MPRIP: variants seen among roughly 807,000 people sequenced by gnomAD.
MPRIP encodes myosin phosphatase Rho-interacting protein.
In MPRIP, 59 loss-of-function variants were observed where a neutral mutation model predicts 234.9. The ratio of observed to expected loss-of-function variants is 0.25; its 90% confidence interval spans 0.20 to 0.31. The LOEUF is 0.31. MPRIP is among the 10% of genes least tolerant of loss of function. The pLI, the probability that MPRIP is intolerant of heterozygous loss-of-function variation, is 1.00. For missense variants in MPRIP, 2,436 were observed against 3,071.0 expected (o/e 0.79, Z 4.89); for synonymous variants, 1,144 against 1,263.9 (o/e 0.91, Z 2.01).
At chr17:17,074,220 G>C (rs182846790) in intron 1 of MPRIP, among the ~76,000 whole-genome samples, 2 of 152,366 alleles carry the variant, frequency 1.3e-5, no homozygotes, top group Admixed American at 1.3e-4. Context: ...GAGAACTTGG[G>C]TTTTAATTTG....
intron 13 of MPRIP, 58 bp from the exon 14 acceptor site, chr17:17,158,374 C>T (rs1177955123): frequency 1.2e-5 from 17 of 1,451,420 alleles, no homozygotes; most frequent in Non-Finnish European, 1.6e-5. Context: ...CAGCTTCTGC[C>T]TGGCAGGCCA....
At chr17:17,049,703 G>A (rs558823382) in intron 1 of MPRIP, among the ~76,000 whole-genome samples, 2 of 152,296 alleles carry the variant, frequency 1.3e-5, no homozygotes, top group Admixed American at 6.5e-5. Flanking sequence ...AGGCAAAATC[G>A]AGGAGGTTGT....
At position 17,100,488 on chromosome 17, in the gene MPRIP, C is replaced by T. The variant is rs1431662560; in HGVS notation, c.267+22412C>T. Among the ~76,000 whole-genome samples, 3 of 152,136 alleles carry T rather than the reference C, an allele frequency of 2.0e-5. No homozygotes were observed. In the East Asian group the frequency reaches 5.8e-4, roughly 29 times the overall value. On this transcript the variant is annotated intron_variant, in intron 3 of 23. Coordinates refer to ENST00000651222, the MANE Select transcript of MPRIP (RefSeq NM_001364716.4). Reference sequence around the variant, plus strand: ...TCTGTTGGCTCAGGGGTCCCCAGTGCCCAGGCAGGTCCATGGCTTATTAGG... The same window carrying T: ...TCTGTTGGCTCAGGGGTCCCCAGTGTCCAGGCAGGTCCATGGCTTATTAGG...
At chr17:17,136,618 T>C (rs749792491) in intron 6 of MPRIP, among the ~76,000 whole-genome samples, 168 bp downstream of exon 6, 27 of 152,338 alleles carry the variant, frequency 1.8e-4, no homozygotes, top group Non-Finnish European at 3.5e-4. Context: ...TGTTCTGAGA[T>C]TCCCGGGCTC....
At position 17,187,610 on chromosome 17, in the gene MPRIP, T is replaced by G. The variant is rs2046501192; in HGVS notation, c.*2716T>G. On this transcript the variant is annotated 3_prime_UTR_variant, in exon 24 of 24. Transcript: ENST00000651222. ...GCCCAGGTGGCAACACTGGCACAGA[T>G]GTTGACGGCTGCCCAACTGGTGCCA... 1 of 152,270 alleles carries G rather than the reference T, an allele frequency of 6.6e-6. No homozygotes were observed. The highest frequency in any genetic ancestry group is 1.5e-5 in the Non-Finnish European group (1 of 68,064). The allele number at this position is 152,270 out of a possible 1,614,324, so 9.4% of individuals were successfully genotyped here.
intron 5 of MPRIP, among the ~76,000 whole-genome samples, chr17:17,135,791 C>T (rs986617971): frequency 2.0e-5 from 3 of 152,188 alleles, no homozygotes; most frequent in African/African-American, 7.2e-5. Context: ...GACATTGAAA[C>T]CATAGCATTT....
At chr17:17,118,343 G>A (rs1306175171) in intron 3 of MPRIP, among the ~76,000 whole-genome samples, 1 of 152,252 alleles carries the variant, frequency 6.6e-6, no homozygotes, top group Non-Finnish European at 1.5e-5. Context: ...AGTCCCTCTG[G>A]GGTTGCAGGA....
intron 1 of MPRIP, among the ~76,000 whole-genome samples, chr17:17,065,925 T>C (rs146870973): frequency 6.6e-6 from 1 of 152,346 alleles, no homozygotes; most frequent in East Asian, 1.9e-4. Flanking sequence ...TAAGTGGTAT[T>C]GTATTTTAAT....
chr17:17,107,138 T>G (rs1424954195), intron 3 of MPRIP, among the ~76,000 whole-genome samples: 2 of 152,084 alleles, frequency 1.3e-5, no homozygotes, highest in Non-Finnish European at 2.9e-5. Context: ...GCCTGGAGGG[T>G]GTCGGGATTT....
chr17:17,093,366 A>G (rs746526637), intron 3 of MPRIP, among the ~76,000 whole-genome samples: 1 of 152,184 alleles, frequency 6.6e-6, no homozygotes, highest in Non-Finnish European at 1.5e-5. Context: ...AAACACACCT[A>G]AAGAGAAGTG....
intron 3 of MPRIP, among the ~76,000 whole-genome samples, chr17:17,122,731 A>G (rs988819528): frequency 2.0e-5 from 3 of 152,236 alleles, no homozygotes; most frequent in Non-Finnish European, 4.4e-5. Flanking sequence ...AGCAGTACAT[A>G]AATACAATTT....
rs1309655655 is a variant in MPRIP, at chr17:17,192,011, T to A, written c.*7117T>A. The A allele has an allele frequency of 6.6e-6, 1 of 152,152 alleles. No homozygotes were observed. The highest frequency in any genetic ancestry group is 1.9e-4 in the East Asian group (1 of 5,190). 9.4% of individuals were successfully genotyped at this position (152,152 alleles called of 1,614,324 possible). A position where few individuals can be genotyped will look rare whatever the true frequency, so the allele number is the denominator to read the frequency against. On this transcript the variant is annotated 3_prime_UTR_variant, in exon 24 of 24. Coordinates refer to ENST00000651222, the MANE Select transcript of MPRIP (RefSeq NM_001364716.4). ...GTGGCTCCTCAACAATTACAATTCT[T>A]AATGATTTTTCTCACAGCTGTGCCC... is the stretch of plus-strand genomic sequence containing the variant.
chr17:17,112,417 G>A (rs1031769901), intron 3 of MPRIP, among the ~76,000 whole-genome samples: 1 of 152,208 alleles, frequency 6.6e-6, no homozygotes, highest in Non-Finnish European at 1.5e-5. Context: ...TCTGTGGCAG[G>A]CACCATGTCT....
In MPRIP at chr17:17,166,111, G is replaced by T; in HGVS notation, c.4520G>T (p.Ser1507Ile). Residue 1507 changes from serine (S) to isoleucine (I), a missense_variant, in exon 16 of 24, where the codon AGT (serine) becomes ATT (isoleucine). Physicochemically the swap from Ser to Ile is moderately radical, Grantham distance 142 (BLOSUM62 -2). Coordinates refer to ENST00000651222, the MANE Select transcript of MPRIP (RefSeq NM_001364716.4). The surrounding 1 kb of genome is among the most constrained non-coding windows in gnomAD (Gnocchi z 4.4). ...EQDARAASLASVESALVSAIQ... is the reference protein window; with the variant it reads ...EQDARAASLAIVESALVSAIQ... ...GACGCACGCGCAGCCTCCCTGGCCA[G>T]TGTGGAGAGTGCACTCGTCAGCGCC... The T allele has an allele frequency of 3.8e-6, 5 of 1,299,496 alleles. No homozygotes were observed. The highest frequency in any genetic ancestry group is 5.1e-6 in the Non-Finnish European group (5 of 985,742). 80.5% of individuals were successfully genotyped at this position (1,299,496 alleles called of 1,614,324 possible). A position where few individuals can be genotyped will look rare whatever the true frequency, so the allele number is the denominator to read the frequency against.
intron 1 of MPRIP, among the ~76,000 whole-genome samples, chr17:17,050,314 CAAAAAAAAA>C (rs66950979): frequency 1.1e-5 from 1 of 92,272 alleles, no homozygotes; most frequent in African/African-American, 4.0e-5. Context: ...GACTCCGTCT[CAAAAAAAAA>C]AAAAAAAAAA....
intron 21 of MPRIP, 75 bp from the exon 22 acceptor site, chr17:17,177,175 C>G: frequency 6.9e-7 from 1 of 1,450,002 alleles, no homozygotes; most frequent in South Asian, 1.2e-5. Context: ...GTTCAGTCCC[C>G]AGGAAGACAG....
At chr17:17,099,079 G>C (rs184552721) in intron 3 of MPRIP, among the ~76,000 whole-genome samples, 13 of 152,026 alleles carry the variant, frequency 8.6e-5, no homozygotes, top group East Asian at 5.8e-4. Flanking sequence ...TGTGCAAAAG[G>C]CTTCTTTTCT....
chr17:17,132,294 C>T (rs145571189), intron 5 of MPRIP, among the ~76,000 whole-genome samples: 4 of 152,336 alleles, frequency 2.6e-5, no homozygotes, highest in Non-Finnish European at 4.4e-5. Context: ...ACACTCCCCA[C>T]GTTCCTGGGG....
At chr17:17,157,783 G>A (rs1172242722) in intron 13 of MPRIP, among the ~76,000 whole-genome samples, 8 of 151,456 alleles carry the variant, frequency 5.3e-5, no homozygotes, top group South Asian at 2.1e-4. Context: ...AGCCGAGATC[G>A]CGCCATTGCA....
Sources: gnomAD v4.1 joint callset for allele counts (sites outside exome capture counted in the v4.1 genomes callset) on GRCh38, gnomAD v4.1.1 for gene constraint, Gnocchi (gnomAD v3.1) non-coding constraint, MANE v1.5 for transcripts, NCBI Gene and HGNC (gene_info 2026-07-23, HGNC 2026-07-21) for gene names.